Variants in SLC13A4 observed in about 807,000 individuals in gnomAD.
The protein encoded by SLC13A4 is Na(+)/sulfate cotransporter SUT-1.
SLC13A4 carries 28 observed loss-of-function variants against 72.7 expected under a neutral mutation model. That is an observed-to-expected ratio of 0.39 (90% CI 0.29 to 0.53). The LOEUF (loss-of-function observed/expected upper bound fraction) is 0.53. Ranked by LOEUF, SLC13A4 falls within the 20% of genes least tolerant of loss-of-function variation. The pLI is 0.78. For missense variants in SLC13A4, 653 were observed against 788.0 expected (o/e 0.83, Z 2.05); for synonymous variants, 312 against 325.5 (o/e 0.96, Z 0.45).
At position 135,698,260 on chromosome 7, in the gene SLC13A4, T is replaced by A. The variant is rs564517079; in HGVS notation, c.899+1104A>T. On this transcript the variant is annotated intron_variant, in intron 8 of 15. Transcript: ENST00000682651. ...GTTGGCCAGGCTGGTCTCGAACTCCTGACCTCAAGTGATCCGCCTGCCTTG... is the reference window on the plus strand; with the variant it reads ...GTTGGCCAGGCTGGTCTCGAACTCCAGACCTCAAGTGATCCGCCTGCCTTG... 7.9e-5 allele frequency among the ~76,000 whole-genome samples: 12 copies of A among 151,238 alleles called. No individual in the cohort carries two copies. In the South Asian group the frequency reaches 2.5e-3, roughly 32 times the overall value.
At chr7:135,690,207 AGAG>A (rs1165329889) in intron 13 of SLC13A4, among the ~76,000 whole-genome samples, 2 of 146,222 alleles carry the variant, frequency 1.4e-5, no homozygotes, top group Non-Finnish European at 3.0e-5. Flanking sequence ...AAAAAAAAAA[AGAG>A]AACCAAGTTT....
intron 2 of SLC13A4, among the ~76,000 whole-genome samples, chr7:135,713,357 C>T (rs921637150): frequency 6.6e-6 from 1 of 152,104 alleles, no homozygotes; most frequent in Non-Finnish European, 1.5e-5. Flanking sequence ...GAAAGATGGG[C>T]TCAAGGAGGT....
chr7:135,699,357 C>A lies in SLC13A4; in HGVS notation c.899+7G>T. 6.2e-7 allele frequency: 1 copy of A among 1,605,704 alleles called. No individual in the cohort carries two copies. Among genetic ancestry groups the A allele is most frequent in the South Asian group, 1.1e-5 (1 of 89,056 alleles). The stretch of plus-strand genomic sequence containing the variant: ...GTAAATATTTGTTGACCAAGTGAAT[C>A]ACTTACTTGTTGAAGTGTTCCAGGA... On this transcript the variant is annotated splice_region_variant and intron_variant, in intron 8 of 15. Transcript: ENST00000682651.
chr7:135,694,997 C>G (rs1223410782), intron 9 of SLC13A4, among the ~76,000 whole-genome samples: 2 of 152,198 alleles, frequency 1.3e-5, no homozygotes, highest in Non-Finnish European at 2.9e-5. Context: ...GCAAATTCTA[C>G]TTAGAGTCAT....
chr7:135,706,373 A>G, intron 3 of SLC13A4, 73 bp from the exon 4 acceptor site: 1 of 1,477,916 alleles, frequency 6.8e-7, no homozygotes, highest in Non-Finnish European at 9.2e-7. Context: ...TGGGCCTCCT[A>G]CCAACCTGCT....
intron 2 of SLC13A4, among the ~76,000 whole-genome samples, chr7:135,719,063 T>C (rs1023731386): frequency 6.6e-6 from 1 of 152,200 alleles, no homozygotes; most frequent in Non-Finnish European, 1.5e-5. Flanking sequence ...TGGATTCGGA[T>C]TTTTCACCTC....
At chr7:135,685,466 C>T in intron 14 of SLC13A4, 56 bp downstream of exon 14, 2 of 1,535,538 alleles carry the variant, frequency 1.3e-6, no homozygotes, top group Non-Finnish European at 9.0e-7. Context: ...CCAGGCCTGC[C>T]ACTCCAGGCC....
chr7:135,720,564 A>AC (rs200581175), intron 2 of SLC13A4, among the ~76,000 whole-genome samples: 4,830 of 151,136 alleles, frequency 0.032, 271 homozygotes, highest in African/African-American at 0.11. Flanking sequence ...TAAAAAAAAA[A>AC]AAAAAAAAAA....
intron 3 of SLC13A4, 87 bp from the exon 4 acceptor site, chr7:135,706,387 G>C (rs1326063648): frequency 7.1e-7 from 1 of 1,413,986 alleles, no homozygotes; most frequent in Non-Finnish European, 9.6e-7. Flanking sequence ...ACCTGCTGGG[G>C]CTGGTCTAGA....
At chr7:135,721,562 G>A in intron 1 of SLC13A4, 39 bp from the exon 2 acceptor site, 1 of 1,611,294 alleles carries the variant, frequency 6.2e-7, no homozygotes, top group Non-Finnish European at 8.5e-7. Context: ...CACAGGAATA[G>A]TCACTGCCAC....
intron 2 of SLC13A4, among the ~76,000 whole-genome samples, chr7:135,719,807 G>GTGTGTA (rs1796505905): frequency 7.8e-6 from 1 of 128,324 alleles, no homozygotes; most frequent in African/African-American, 3.3e-5. Context: ...GTGTGTATGT[G>GTGTGTA]TGTGTGTGTG....
chr7:135,700,220 A>G lies in SLC13A4; in HGVS notation c.715-672T>C, dbSNP rs566809675. Among the ~76,000 whole-genome samples, 81 of 152,248 alleles carry G rather than the reference A, an allele frequency of 5.3e-4. 1 individual carries two copies. Among genetic ancestry groups the G allele is most frequent in the African/African-American group, 1.8e-3 (76 of 41,526 alleles). Reference sequence around the variant, plus strand: ...TACTTTTTTCTTCCCCCTTGCAGATAAACTTCAGTTTAGTTGTGGTCCTCT... The same window carrying G: ...TACTTTTTTCTTCCCCCTTGCAGATGAACTTCAGTTTAGTTGTGGTCCTCT... On this transcript the variant is annotated intron_variant, in intron 7 of 15. Transcript: ENST00000682651.
At position 135,727,573 on chromosome 7, in the gene SLC13A4, T is replaced by A. The variant is rs1264713193; in HGVS notation, c.-77A>T. The A allele has an allele frequency of 6.7e-7, 1 of 1,486,092 alleles. No individual in the cohort carries two copies. The highest frequency in any genetic ancestry group is 1.4e-5 in the African/African-American group (1 of 71,738). 92.1% of individuals were successfully genotyped at this position (1,486,092 alleles called of 1,614,324 possible). A position where few individuals can be genotyped will look rare whatever the true frequency, so the allele number is the denominator to read the frequency against. On this transcript the variant is annotated 5_prime_UTR_variant, in exon 1 of 16. Transcript: ENST00000682651. ...GGCTTCCTGCCTGGGCACTGCTCTC[T>A]ATCCAGAAAGACTTCTTAAACCTTT...
chr7:135,705,249 CA>C, intron 5 of SLC13A4: 1 of 222,684 alleles, frequency 4.5e-6, no homozygotes, highest in Non-Finnish European at 8.9e-6. Flanking sequence ...TTTCCGTTAA[CA>C]AATTAAACAT....
At chr7:135,697,200 C>G (rs956642993) in intron 8 of SLC13A4, among the ~76,000 whole-genome samples, 1 of 152,268 alleles carries the variant, frequency 6.6e-6, no homozygotes, top group African/African-American at 2.4e-5. Flanking sequence ...GGCGGCACGC[C>G]CATGACCCCA....
intron 1 of SLC13A4, 45 bp downstream of exon 1, chr7:135,727,353 T>C (rs1205224319): frequency 6.5e-7 from 1 of 1,539,212 alleles, no homozygotes; most frequent in Non-Finnish European, 8.8e-7. Flanking sequence ...CTCTTTGCCC[T>C]CCCACTGACT....
intron 1 of SLC13A4, among the ~76,000 whole-genome samples, chr7:135,725,998 C>T (rs999232065): frequency 3.3e-5 from 5 of 152,020 alleles, no homozygotes; most frequent in South Asian, 2.1e-4. Flanking sequence ...AAAGGGGTGA[C>T]GGATGGATGA....
At chr7:135,713,722 C>T (rs2129495117) in intron 2 of SLC13A4, among the ~76,000 whole-genome samples, 1 of 152,302 alleles carries the variant, frequency 6.6e-6, no homozygotes, top group Non-Finnish European at 1.5e-5. Context: ...TGACTACAGG[C>T]ACCCACCATT....
chr7:135,695,368 T>C lies in SLC13A4; in HGVS notation c.1019A>G (p.Asn340Ser). 1.2e-6 allele frequency: 2 copies of C among 1,613,926 alleles called. No homozygotes were observed. Among genetic ancestry groups the C allele is most frequent in the Non-Finnish European group, 1.7e-6 (2 of 1,179,906 alleles). ...TTGCTGAAAGGGCCCTGGAACTCAC[T>C]TGCAGCCCAGGAACAGCCAGTGCAT... ...FWMHWLFLGCNFKETCSLSKK... is the reference protein window; with the variant it reads ...FWMHWLFLGCSFKETCSLSKK... Residue 340 changes from asparagine to serine, a missense_variant and splice_region_variant, in exon 9 of 16, where the codon AAT becomes AGT. Asn to Ser is a conservative substitution (Grantham distance 46). Transcript: ENST00000682651.
Sources: allele counts gnomAD v4.1 joint callset (sites outside exome capture counted in the v4.1 genomes callset), GRCh38; gene constraint gnomAD v4.1.1; transcripts MANE v1.5; gene names NCBI Gene and HGNC (gene_info 2026-07-23, HGNC 2026-07-21).